Variants in PELI2 observed in about 807,000 individuals in gnomAD.
The protein encoded by PELI2 is E3 ubiquitin-protein ligase pellino homolog 2.
A neutral mutation model predicts 42.3 loss-of-function variants in PELI2; 23 were observed. That is an observed-to-expected ratio of 0.54 (90% CI 0.39 to 0.77). The LOEUF is 0.77. Ranked by LOEUF, PELI2 falls within the 30% of genes least tolerant of loss-of-function variation. The pLI is 0.00. For missense variants in PELI2, 463 were observed against 553.2 expected (o/e 0.84, Z 1.64); for synonymous variants, 245 against 212.2 (o/e 1.15, Z -1.34).
intron 2 of PELI2, among the ~76,000 whole-genome samples, chr14:56,258,445 A>C (rs1396908643): frequency 6.6e-6 from 1 of 152,204 alleles, no homozygotes; most frequent in African/African-American, 2.4e-5. Flanking sequence ...ACAGACAAGA[A>C]GGTTAAAATA....
chr14:56,174,669 C>G (rs1235415154), intron 1 of PELI2, among the ~76,000 whole-genome samples: 1 of 152,152 alleles, frequency 6.6e-6, no homozygotes, highest in Non-Finnish European at 1.5e-5. Context: ...CTCCTGTTGC[C>G]GTGAGAAGAA....
chr14:56,120,839 C>T lies in PELI2; in HGVS notation c.77+2102C>T, dbSNP rs144560529. On this transcript the variant is annotated intron_variant, in intron 1 of 5. Transcript: ENST00000267460. The stretch of plus-strand genomic sequence containing the variant: ...TCGGCTGGAAGGTGAGGGAAGTTCT[C>T]TCTGAGGAGGTGAAATGTGAGTAGA... Among the ~76,000 whole-genome samples, 407 of 152,228 alleles carry T rather than the reference C, an allele frequency of 2.7e-3. 1 individual carries two copies. The highest frequency in any genetic ancestry group is 9.0e-3 in the African/African-American group (373 of 41,532).
At chr14:56,123,181 T>G (rs1377104313) in intron 1 of PELI2, among the ~76,000 whole-genome samples, 1 of 151,904 alleles carries the variant, frequency 6.6e-6, no homozygotes, top group Non-Finnish European at 1.5e-5. Context: ...TATGGTCTTT[T>G]TTTTTTTTTT....
intron 2 of PELI2, among the ~76,000 whole-genome samples, chr14:56,265,440 T>C (rs184183898): frequency 3.2e-4 from 49 of 152,246 alleles, no homozygotes; most frequent in Middle Eastern, 6.8e-3. Flanking sequence ...GAATTTGATT[T>C]ATACTTTTCA....
intron 1 of PELI2, among the ~76,000 whole-genome samples, chr14:56,137,893 G>A (rs1883742273): frequency 6.6e-6 from 1 of 152,218 alleles, no homozygotes; most frequent in African/African-American, 2.4e-5. Flanking sequence ...AGGTTGGGAT[G>A]AGCTTGCTTG....
At chr14:56,179,391 A>T (rs1476513088) in intron 2 of PELI2, among the ~76,000 whole-genome samples, 1 of 152,214 alleles carries the variant, frequency 6.6e-6, no homozygotes, top group East Asian at 1.9e-4. Flanking sequence ...TTTATATGCA[A>T]TGTAAACATA....
chr14:56,161,045 G>A (rs1239857461), intron 1 of PELI2, among the ~76,000 whole-genome samples: 1 of 152,154 alleles, frequency 6.6e-6, no homozygotes, highest in Non-Finnish European at 1.5e-5. Flanking sequence ...CCTCTCAACA[G>A]CCAGTAGAGA....
At chr14:56,268,878 A>T (rs242584) in intron 2 of PELI2, among the ~76,000 whole-genome samples, 1 of 151,906 alleles carries the variant, frequency 6.6e-6, no homozygotes, top group African/African-American at 2.4e-5. Flanking sequence ...GCATCGTCTC[A>T]TGCTTTGTAG....
chr14:56,147,112 G>A (rs781110839), intron 1 of PELI2, among the ~76,000 whole-genome samples: 1 of 152,138 alleles, frequency 6.6e-6, no homozygotes, highest in Non-Finnish European at 1.5e-5. Context: ...AGTCATCCAT[G>A]TTGTAGCATG....
chr14:56,258,606 A>G (rs1888604436), intron 2 of PELI2, among the ~76,000 whole-genome samples: 1 of 152,010 alleles, frequency 6.6e-6, no homozygotes, highest in Non-Finnish European at 1.5e-5. Context: ...GGATTGAGGT[A>G]GCAGTACATT....
chr14:56,266,508 G>A (rs1888911241), intron 2 of PELI2, among the ~76,000 whole-genome samples: 1 of 151,968 alleles, frequency 6.6e-6, no homozygotes, highest in African/African-American at 2.4e-5. Flanking sequence ...CTTATTCATA[G>A]AAATGCTAAT....
chr14:56,206,426 C>T (rs1459290547), intron 2 of PELI2, among the ~76,000 whole-genome samples: 1 of 152,180 alleles, frequency 6.6e-6, no homozygotes, highest in Non-Finnish European at 1.5e-5. Context: ...ACTTTGTAAA[C>T]GTTTTAAGAG....
chr14:56,287,179 G>A (rs1257555500), intron 3 of PELI2, among the ~76,000 whole-genome samples: 1 of 152,262 alleles, frequency 6.6e-6, no homozygotes, highest in Admixed American at 6.5e-5. Flanking sequence ...TGAGGCTCCA[G>A]GTTTGGTGAG....
intron 1 of PELI2, chr14:56,119,807 G>A: frequency 2.0e-6 from 2 of 985,076 alleles, no homozygotes. Flanking sequence ...GGGAACCCGC[G>A]CTTTTGTCCT....
At chr14:56,235,024 T>TA (rs376322026) in intron 2 of PELI2, among the ~76,000 whole-genome samples, 185 of 152,284 alleles carry the variant, frequency 1.2e-3, no homozygotes, top group Middle Eastern at 6.8e-3. Context: ...CTGAGGGTGT[T>TA]ACGTTTGTTT....
chr14:56,148,054 CT>C (rs1884198548), intron 1 of PELI2, among the ~76,000 whole-genome samples: 1 of 152,196 alleles, frequency 6.6e-6, no homozygotes, highest in South Asian at 2.1e-4. Context: ...TTATCTTTCC[CT>C]GGTAAATCCA....
At chr14:56,256,862 C>T (rs546660683) in intron 2 of PELI2, among the ~76,000 whole-genome samples, 2 of 152,274 alleles carry the variant, frequency 1.3e-5, no homozygotes, top group East Asian at 1.9e-4. Context: ...TAGGCTTCAG[C>T]GTGTAGGCTT....
chr14:56,284,598 A>G (rs550696662), intron 3 of PELI2, among the ~76,000 whole-genome samples: 44 of 150,342 alleles, frequency 2.9e-4, no homozygotes, highest in African/African-American at 1.0e-3. Context: ...GTTTTAGATG[A>G]TAACATTTAA....
rs561809786 is a variant in PELI2, at chr14:56,159,459, A to T, written c.78-18876A>T. On this transcript the variant is annotated intron_variant, in intron 1 of 5. Transcript: ENST00000267460. ...TATTAATTGGTAAAATATGTAAAGT[A>T]TGGAGTATAAAAATGGCTCTCATTC... Among the ~76,000 whole-genome samples, 23 of 152,342 alleles carry T rather than the reference A, an allele frequency of 1.5e-4. No homozygotes were observed. The East Asian group carries it at 4.0e-3, about 27-fold the overall frequency.
Sources: allele counts gnomAD v4.1 joint callset (sites outside exome capture counted in the v4.1 genomes callset), GRCh38; gene constraint gnomAD v4.1.1; transcripts MANE v1.5; gene names NCBI Gene and HGNC (gene_info 2026-07-23, HGNC 2026-07-21).